GABRB3: variants seen among roughly 807,000 people sequenced by gnomAD.
GABRB3 encodes the protein gamma-aminobutyric acid receptor subunit beta-3.
In GABRB3, 14 loss-of-function variants were observed where a neutral mutation model predicts 52.1. The ratio of observed to expected loss-of-function variants is 0.27; its 90% confidence interval spans 0.18 to 0.42. The LOEUF (loss-of-function observed/expected upper bound fraction) is 0.42. Ranked by LOEUF, GABRB3 falls within the 10% of genes least tolerant of loss-of-function variation. The probability of loss-of-function intolerance (pLI) is 1.00; values close to 1 mark genes in which losing one functional copy is unlikely to be tolerated. For missense variants in GABRB3, 307 were observed against 609.1 expected, an observed-to-expected ratio of 0.50 and a Z score of 5.22; for synonymous variants, 260 against 232.3, an observed-to-expected ratio of 1.12 and a Z score of -1.08.
intron 3 of GABRB3, among the ~76,000 whole-genome samples, chr15:26,714,308 A>T (rs925360842): frequency 6.6e-6 from 1 of 152,194 alleles, no homozygotes; most frequent in Non-Finnish European, 1.5e-5. Context: ...GAACCCCAAA[A>T]ATCCGAGACA....
In GABRB3 at chr15:26,764,013, G is replaced by A. The variant is rs373578434; in HGVS notation, c.240+8389C>T. ...ATAAATTTAAAAATTAGCCAGCCAC[G>A]GTGGCATGAGCCTGTAATCCCAGCT... is the stretch of plus-strand genomic sequence containing the variant. On this transcript the variant is annotated intron_variant, in intron 3 of 8. Coordinates refer to ENST00000311550, the MANE Select transcript of GABRB3 (RefSeq NM_000814.6). Among the ~76,000 whole-genome samples the A allele has an allele frequency of 9.3e-5, 14 of 151,186 alleles. No individual in the cohort carries two copies. The South Asian group carries it at 1.3e-3, about 14-fold the overall frequency.
intron 3 of GABRB3, among the ~76,000 whole-genome samples, chr15:26,655,485 G>A (rs1887339039): frequency 6.6e-6 from 1 of 152,058 alleles, no homozygotes; most frequent in Non-Finnish European, 1.5e-5. Flanking sequence ...GTTCACGCCT[G>A]TAATCCCAGC....
chr15:26,695,723 T>C (rs1888717833), intron 3 of GABRB3, among the ~76,000 whole-genome samples: 1 of 152,210 alleles, frequency 6.6e-6, no homozygotes, highest in South Asian at 2.1e-4. Context: ...TTAATTGATC[T>C]AACAAATAAC....
At position 26,702,914 on chromosome 15, in the gene GABRB3, T is replaced by C. The variant is rs534371166; in HGVS notation, c.240+69488A>G. On this transcript the variant is annotated intron_variant, in intron 3 of 8. Transcript: ENST00000311550. Reference sequence around the variant, plus strand: ...TACATTTCTGTTGTTTACAGCCTTTTGGAGGCTGGAAAGTCCAAAATCAAG... The same window carrying C: ...TACATTTCTGTTGTTTACAGCCTTTCGGAGGCTGGAAAGTCCAAAATCAAG... Among the ~76,000 whole-genome samples, 57 of 152,344 alleles carry C rather than the reference T, an allele frequency of 3.7e-4. 1 individual carries two copies. Among genetic ancestry groups the C allele is most frequent in the African/African-American group, 1.3e-3 (53 of 41,576 alleles).
At position 26,599,217 on chromosome 15, in the gene GABRB3, G is replaced by A. The variant is rs148420641; in HGVS notation, c.462-15803C>T. 3.4e-3 allele frequency among the ~76,000 whole-genome samples: 525 copies of A among 152,286 alleles called. 4 individuals are homozygous for A. Among genetic ancestry groups the A allele is most frequent in the African/African-American group, 0.012 (480 of 41,554 alleles). On this transcript the variant is annotated intron_variant, in intron 4 of 8. Coordinates refer to ENST00000311550, the MANE Select transcript of GABRB3 (RefSeq NM_000814.6). The stretch of plus-strand genomic sequence containing the variant: ...CCATTTAGCCAAAAGTCCACTCAAT[G>A]ACCCCACCTGGTAAGGAAACTTCTA...
chr15:26,600,613 G>T (rs1004192609), intron 4 of GABRB3, among the ~76,000 whole-genome samples: 1 of 152,122 alleles, frequency 6.6e-6, no homozygotes, highest in Non-Finnish European at 1.5e-5. Context: ...TATCAACCAA[G>T]AATATTTATC....
At chr15:26,605,583 T>C (rs1891758229) in intron 4 of GABRB3, among the ~76,000 whole-genome samples, 1 of 152,148 alleles carries the variant, frequency 6.6e-6, no homozygotes, top group South Asian at 2.1e-4. Context: ...TGTGTATAAG[T>C]CCAAGTCATA....
intron 3 of GABRB3, among the ~76,000 whole-genome samples, chr15:26,762,866 A>G (rs936423122): frequency 6.6e-6 from 1 of 152,224 alleles, no homozygotes; most frequent in Non-Finnish European, 1.5e-5. Context: ...ACAAGGAATG[A>G]CACCTCACAG....
chr15:26,608,937 A>G (rs1236816885), intron 4 of GABRB3, among the ~76,000 whole-genome samples: 1 of 152,120 alleles, frequency 6.6e-6, no homozygotes, highest in Non-Finnish European at 1.5e-5. Context: ...CAGCAATCCC[A>G]CTGTTGGGTA....
At chr15:26,681,957 CA>C (rs200633341) in intron 3 of GABRB3, among the ~76,000 whole-genome samples, 6 of 150,740 alleles carry the variant, frequency 4.0e-5, no homozygotes, top group Non-Finnish European at 5.9e-5. Context: ...GACTCTGTCT[CA>C]AAAAAAAATT....
chr15:26,680,090 C>T (rs1027987586), intron 3 of GABRB3, among the ~76,000 whole-genome samples: 6 of 152,144 alleles, frequency 3.9e-5, no homozygotes, highest in Non-Finnish European at 7.3e-5. Flanking sequence ...TTGAGTAAGG[C>T]AGATTCCCCT....
At chr15:26,553,473 T>C (rs1889556727) in intron 8 of GABRB3, 1 of 152,184 alleles carries the variant, frequency 6.6e-6, no homozygotes, top group Non-Finnish European at 1.5e-5. Context: ...TTTTCAATAA[T>C]ACTAAATGGT....
intron 4 of GABRB3, among the ~76,000 whole-genome samples, chr15:26,604,850 G>C (rs1214657143): frequency 6.6e-6 from 1 of 152,042 alleles, no homozygotes; most frequent in Non-Finnish European, 1.5e-5. Context: ...CAGGACATTG[G>C]TCTGGGAAAA....
chr15:26,699,551 T>C (rs189314877), intron 3 of GABRB3, among the ~76,000 whole-genome samples: 1 of 150,860 alleles, frequency 6.6e-6, no homozygotes, highest in Admixed American at 6.6e-5. Context: ...TTTTAAAAGT[T>C]ATTATAAGTC....
At chr15:26,723,624 A>G (rs565342783) in intron 3 of GABRB3, among the ~76,000 whole-genome samples, 7 of 152,358 alleles carry the variant, frequency 4.6e-5, no homozygotes, top group East Asian at 1.9e-4. Context: ...CATTGTCCCA[A>G]TGAATTCTCC....
intron 4 of GABRB3, chr15:26,616,188 G>A: frequency 1.3e-6 from 1 of 741,090 alleles, no homozygotes; most frequent in Non-Finnish European, 2.0e-6. Flanking sequence ...TTGGGGCCAA[G>A]GAGAGGATGG....
rs1889296498 is a variant in GABRB3 at position 26,547,434 on chromosome 15, G to A, written c.*359C>T. The A allele has an allele frequency of 2.2e-6, 1 of 448,394 alleles. No homozygotes were observed. Among genetic ancestry groups the A allele is most frequent in the African/African-American group, 2.0e-5 (1 of 49,796 alleles). The allele number at this position is 448,394 out of a possible 1,614,324, so 27.8% of individuals were successfully genotyped here. The stretch of plus-strand genomic sequence containing the variant: ...TTGTGTTTCACGCCCTCATTCTCAA[G>A]GCATAATATTTAGATGATACTTGTC... On this transcript the variant is annotated 3_prime_UTR_variant, in exon 9 of 9. Coordinates refer to ENST00000311550, the MANE Select transcript of GABRB3 (RefSeq NM_000814.6).
At chr15:26,688,609 C>T (rs1037900133) in intron 3 of GABRB3, among the ~76,000 whole-genome samples, 2 of 152,148 alleles carry the variant, frequency 1.3e-5, no homozygotes. Context: ...TTTCTGTGAT[C>T]CATCTCCTAA....
At chr15:26,721,887 ACAT>A (rs944703343) in intron 3 of GABRB3, among the ~76,000 whole-genome samples, 40 of 152,098 alleles carry the variant, frequency 2.6e-4, no homozygotes, top group African/African-American at 9.4e-4. Context: ...GCATCTGAGA[ACAT>A]CAAAGAAAGA....
Sources: gnomAD v4.1 joint callset for allele counts (sites outside exome capture counted in the v4.1 genomes callset) on GRCh38, gnomAD v4.1.1 for gene constraint, MANE v1.5 for transcripts, NCBI Gene and HGNC (gene_info 2026-07-23, HGNC 2026-07-21) for gene names.